Variants in DENND2B observed in about 807,000 individuals in gnomAD.
The protein encoded by DENND2B is DENN domain-containing protein 2B.
A neutral mutation model predicts 116.0 loss-of-function variants in DENND2B; 32 were observed. That is an observed-to-expected ratio of 0.28 (90% CI 0.21 to 0.37). The LOEUF is 0.37. Among genes scored for constraint, DENND2B ranks in the 10% least tolerant of loss-of-function variants. DENND2B has a pLI of 1.00. For missense variants in DENND2B, 1,276 were observed against 1,477.7 expected (o/e 0.86, Z 2.24); for synonymous variants, 588 against 583.9 (o/e 1.01, Z -0.10).
intron 1 of DENND2B, chr11:8,808,718 T>G (rs2061103467): frequency 6.6e-6 from 1 of 152,224 alleles, no homozygotes; most frequent in Non-Finnish European, 1.5e-5. Context: ...TGTTTCAAAC[T>G]ACTTTCATGG....
At chr11:8,711,045 G>A in intron 10 of DENND2B, 77 bp downstream of exon 10, 3 of 1,557,152 alleles carry the variant, frequency 1.9e-6, no homozygotes, top group Non-Finnish European at 2.7e-6. Flanking sequence ...GACTAGAGCA[G>A]GCCCCACTCA....
intron 2 of DENND2B, among the ~76,000 whole-genome samples, chr11:8,879,580 C>A (rs1421162908): frequency 6.6e-6 from 1 of 152,128 alleles, no homozygotes; most frequent in Non-Finnish European, 1.5e-5. Flanking sequence ...TAGCTCTTAA[C>A]CTTTGGTGCA....
intron 5 of DENND2B, among the ~76,000 whole-genome samples, chr11:8,716,991 G>T (rs2044973831): frequency 6.6e-6 from 1 of 152,216 alleles, no homozygotes; most frequent in Non-Finnish European, 1.5e-5. Context: ...AAAGGCAGAA[G>T]AAATCATTTT....
chr11:8,773,325 T>C (rs1013745366), intron 1 of DENND2B, among the ~76,000 whole-genome samples: 4 of 151,790 alleles, frequency 2.6e-5, no homozygotes, highest in African/African-American at 7.3e-5. Flanking sequence ...TCTGGCACCA[T>C]ACAAGGACAG....
chr11:8,908,074 G>A (rs1463110948), intron 1 of DENND2B, among the ~76,000 whole-genome samples: 2 of 152,154 alleles, frequency 1.3e-5, no homozygotes, highest in Non-Finnish European at 2.9e-5. Context: ...AATGGCTACT[G>A]AACACCCGCT....
rs887591224 is a variant in DENND2B at position 8,827,433 on chromosome 11, G to T, written c.-115+11877C>A. ...ATTTCACAGTTCTCCTGAAGGTGAT[G>T]AAAGATTATAGCCACTCATCTCCAA... is the stretch of plus-strand genomic sequence containing the variant. On this transcript the variant is annotated intron_variant, in intron 4 of 6. Coordinates refer to the DENND2B transcript ENST00000524757. Among the ~76,000 whole-genome samples the T allele has an allele frequency of 1.7e-4, 26 of 152,234 alleles. 1 individual carries two copies. The highest frequency in any genetic ancestry group is 7.3e-5 in the Non-Finnish European group (5 of 68,044).
intron 1 of DENND2B, among the ~76,000 whole-genome samples, chr11:8,764,858 T>C (rs1272299376): frequency 1.4e-5 from 2 of 144,690 alleles, no homozygotes; most frequent in African/African-American, 5.1e-5. Context: ...GGCAGGAGAA[T>C]CGCTTGAACC....
chr11:8,829,344 G>A (rs1219891394), intron 4 of DENND2B, among the ~76,000 whole-genome samples: 1 of 152,128 alleles, frequency 6.6e-6, no homozygotes, highest in Non-Finnish European at 1.5e-5. Flanking sequence ...TGTCTTTGCA[G>A]TCAGCTTCCG....
intron 5 of DENND2B, 42 bp downstream of exon 5, chr11:8,717,699 C>A: frequency 6.7e-7 from 1 of 1,491,720 alleles, no homozygotes. Context: ...CCCACTGTGG[C>A]CCTCACGCTA....
intron 1 of DENND2B, among the ~76,000 whole-genome samples, chr11:8,773,862 A>C (rs2057282399): frequency 6.6e-6 from 1 of 152,178 alleles, no homozygotes; most frequent in African/African-American, 2.4e-5. Flanking sequence ...CTATCTTTGC[A>C]ACTGTTCTGT....
At chr11:8,889,611 G>A (rs557573034) in intron 1 of DENND2B, among the ~76,000 whole-genome samples, 11 of 152,324 alleles carry the variant, frequency 7.2e-5, no homozygotes, top group African/African-American at 1.7e-4. Context: ...CACATGGCTC[G>A]GAGGGTCCCA....
At chr11:8,717,683 C>A in intron 5 of DENND2B, 58 bp downstream of exon 5, 3 of 1,471,176 alleles carry the variant, frequency 2.0e-6, no homozygotes, top group Non-Finnish European at 2.7e-6. Flanking sequence ...CTTGGAAGAG[C>A]AGGCCCCCAC....
intron 1 of DENND2B, among the ~76,000 whole-genome samples, chr11:8,773,818 T>G (rs976434102): frequency 6.6e-5 from 10 of 152,194 alleles, no homozygotes; most frequent in African/African-American, 2.4e-4. Flanking sequence ...ATTAATGGCT[T>G]GCAGGGTCTA....
rs199539449 is a variant in DENND2B, at chr11:8,779,510, C to CT, written c.-25-28786dup. Among the ~76,000 whole-genome samples the CT allele has an allele frequency of 8.3e-4, 88 of 105,590 alleles. 1 individual carries two copies. Among genetic ancestry groups the CT allele is most frequent in the African/African-American group, 2.2e-3 (65 of 29,782 alleles). 69.3% of individuals were successfully genotyped at this position (105,590 alleles called of 152,430 possible). A position where few individuals can be genotyped will look rare whatever the true frequency, so the allele number is the denominator to read the frequency against. ...TTTTCTTTCTTTTCTTTCTTTCTTT[C>CT]TTTCTTTTTTTTTTTTTTTGAGACG... is the stretch of plus-strand genomic sequence containing the variant. On this transcript the variant is annotated intron_variant, in intron 1 of 19. Coordinates refer to ENST00000313726, the MANE Select transcript of DENND2B (RefSeq NM_213618.2).
intron 2 of DENND2B, among the ~76,000 whole-genome samples, chr11:8,880,098 T>C (rs1273942442): frequency 2.0e-5 from 3 of 152,184 alleles, no homozygotes; most frequent in Admixed American, 1.3e-4. Flanking sequence ...GGGAACATGG[T>C]TGACATACCA....
intron 1 of DENND2B, among the ~76,000 whole-genome samples, chr11:8,754,491 C>A (rs770559775): frequency 6.6e-6 from 1 of 152,176 alleles, no homozygotes; most frequent in Non-Finnish European, 1.5e-5. Flanking sequence ...AATGGCACAG[C>A]CACTCTGGAA....
chr11:8,846,064 C>T (rs1405272897), intron 3 of DENND2B, among the ~76,000 whole-genome samples: 1 of 152,126 alleles, frequency 6.6e-6, no homozygotes, highest in Non-Finnish European at 1.5e-5. Context: ...TTCCCCACTG[C>T]AAGTAATGGT....
At position 8,712,511 on chromosome 11, in the gene DENND2B, A is replaced by G. The variant is rs1050066181; in HGVS notation, c.2172+40T>C. On this transcript the variant is annotated intron_variant, in intron 9 of 19. Transcript: ENST00000313726. The surrounding 1 kb of genome is among the most constrained non-coding windows in gnomAD (Gnocchi z 4.4). ...AGGCCTGGCGGATAGAGGATGGAAG[A>G]GGGGGAATATGGGCAAGGTGGGGAG... 12 of 1,531,626 alleles carry G rather than the reference A, an allele frequency of 7.8e-6. No individual in the cohort carries two copies. The highest frequency in any genetic ancestry group is 1.1e-5 in the Non-Finnish European group (12 of 1,133,050). 94.9% of individuals were successfully genotyped at this position (1,531,626 alleles called of 1,614,324 possible).
At position 8,902,944 on chromosome 11, in the gene DENND2B, C is replaced by T. The variant is rs1489207092; in HGVS notation, c.-256+7877G>A. ...GTGCAATCTCGGCTCACTGCAACCT[C>T]CACCTCCCAGGTTCAAGCAATTCTC... On this transcript the variant is annotated intron_variant, in intron 1 of 22. Transcript: ENST00000534127. Among the ~76,000 whole-genome samples, 3 of 152,244 alleles carry T rather than the reference C, an allele frequency of 2.0e-5. No homozygotes were observed. In the East Asian group the frequency reaches 5.9e-4, roughly 30 times the overall value.
Sources: allele counts gnomAD v4.1 joint callset (sites outside exome capture counted in the v4.1 genomes callset), GRCh38; gene constraint gnomAD v4.1.1; non-coding constraint Gnocchi (gnomAD v3.1); transcripts MANE v1.5; gene names NCBI Gene and HGNC (gene_info 2026-07-23, HGNC 2026-07-21).